PCDH9: variants seen among roughly 807,000 people sequenced by gnomAD.
PCDH9 encodes protocadherin 9.
PCDH9 carries 24 observed loss-of-function variants against 70.6 expected under a neutral mutation model. That is an observed-to-expected ratio of 0.34 (90% confidence interval 0.25 to 0.48). The LOEUF is 0.48. Among genes scored for constraint, PCDH9 ranks in the 20% least tolerant of loss-of-function variants. The probability of loss-of-function intolerance (pLI) is 0.99; values close to 1 mark genes in which losing one functional copy is unlikely to be tolerated. For synonymous variants in PCDH9, 562 were observed against 558.5 expected (o/e 1.01, Z -0.09); for missense variants, 1,281 against 1,503.6 (o/e 0.85, Z 2.45).
intron 3 of PCDH9, among the ~76,000 whole-genome samples, chr13:66,847,239 T>C (rs942737078): frequency 6.6e-6 from 1 of 152,198 alleles, no homozygotes; most frequent in African/African-American, 2.4e-5. Flanking sequence ...GATTCCATAA[T>C]AGGTTGTTTT....
intron 3 of PCDH9, among the ~76,000 whole-genome samples, chr13:66,776,355 G>T (rs1013114981): frequency 6.6e-6 from 1 of 150,426 alleles, no homozygotes; most frequent in African/African-American, 2.5e-5. Context: ...GTTTGCAGAC[G>T]ACATGATTGT....
intron 4 of PCDH9, among the ~76,000 whole-genome samples, chr13:66,411,527 A>G (rs541441084): frequency 6.6e-6 from 1 of 152,204 alleles, no homozygotes; most frequent in African/African-American, 2.4e-5. Flanking sequence ...GGACTCAGTG[A>G]TCCTCTTGCC....
At chr13:66,531,707 G>A (rs1212073939) in intron 4 of PCDH9, among the ~76,000 whole-genome samples, 2 of 151,984 alleles carry the variant, frequency 1.3e-5, no homozygotes, top group African/African-American at 4.8e-5. Context: ...GACAAACAAG[G>A]GAAAAACATT....
At chr13:66,581,039 C>G (rs1209555398) in intron 4 of PCDH9, among the ~76,000 whole-genome samples, 1 of 152,126 alleles carries the variant, frequency 6.6e-6, no homozygotes, top group Non-Finnish European at 1.5e-5. Flanking sequence ...ATTTATGAAG[C>G]TGTAATTCTT....
At chr13:66,808,677 T>C (rs1189067228) in intron 3 of PCDH9, among the ~76,000 whole-genome samples, 10 of 152,218 alleles carry the variant, frequency 6.6e-5, no homozygotes, top group African/African-American at 2.2e-4. Context: ...AGTAGGCTAA[T>C]TGATCACAGG....
At chr13:66,538,626 C>CT (rs34114606) in intron 4 of PCDH9, among the ~76,000 whole-genome samples, 146 of 147,908 alleles carry the variant, frequency 9.9e-4, no homozygotes, top group African/African-American at 2.6e-3. Context: ...GGGGGTCAAT[C>CT]TTTTTTTTTT....
chr13:66,633,784 G>GA (rs145461344), intron 3 of PCDH9, among the ~76,000 whole-genome samples: 2,028 of 152,082 alleles, frequency 0.013, 56 homozygotes, highest in African/African-American at 0.046. Flanking sequence ...AAGTAAAAAA[G>GA]AAAAAAATAC....
At chr13:66,698,895 C>CTTTTTTTTT (rs67333897) in intron 3 of PCDH9, among the ~76,000 whole-genome samples, 15 of 61,110 alleles carry the variant, frequency 2.5e-4, no homozygotes, top group Admixed American at 4.9e-4. Context: ...CTCAATTCCT[C>CTTTTTTTTT]TTTTTTTTTT....
At chr13:66,905,046 C>T (rs1418904458) in intron 2 of PCDH9, among the ~76,000 whole-genome samples, 2 of 151,940 alleles carry the variant, frequency 1.3e-5, no homozygotes, top group East Asian at 3.9e-4. Flanking sequence ...GCCATTTTAA[C>T]CTCTGTTTCT....
intron 4 of PCDH9, among the ~76,000 whole-genome samples, chr13:66,306,786 T>C (rs185212965): frequency 2.7e-3 from 417 of 152,120 alleles, no homozygotes; most frequent in Middle Eastern, 0.024. Context: ...GATTACTCAC[T>C]TTTTTGGATA....
chr13:66,920,247 A>T (rs2082618290), intron 2 of PCDH9, among the ~76,000 whole-genome samples: 1 of 151,196 alleles, frequency 6.6e-6, no homozygotes, highest in African/African-American at 2.4e-5. Context: ...TTTAAAGAAG[A>T]TATGCAGAAT....
Position 67,177,038 on chromosome 13 carries a change from T to A in PCDH9, c.3036+48367A>T, listed in dbSNP as rs559644443. 2.0e-5 allele frequency among the ~76,000 whole-genome samples: 3 copies of A among 152,192 alleles called. No individual in the cohort carries two copies. The South Asian group carries it at 6.2e-4, about 32-fold the overall frequency. ...ATAAGCATTGCTACCTTGTCTGTTATGAAAATTAAAGTATCTATTGTGAAT... is the reference window on the plus strand; with the variant it reads ...ATAAGCATTGCTACCTTGTCTGTTAAGAAAATTAAAGTATCTATTGTGAAT... On this transcript the variant is annotated intron_variant, in intron 2 of 4. Transcript: ENST00000377865.
chr13:67,074,120 ATCTG>A (rs1293344413), intron 2 of PCDH9, among the ~76,000 whole-genome samples: 90 of 149,864 alleles, frequency 6.0e-4, no homozygotes, highest in Middle Eastern at 3.4e-3. Flanking sequence ...CTATCTATCT[ATCTG>A]TCTATCTATC....
At chr13:66,796,554 A>T (rs750046034) in intron 3 of PCDH9, among the ~76,000 whole-genome samples, 39 of 152,182 alleles carry the variant, frequency 2.6e-4, no homozygotes, top group Non-Finnish European at 4.4e-4. Context: ...TGATATTGAG[A>T]AAAAGCAAAC....
At chr13:66,811,534 T>C (rs2080504385) in intron 3 of PCDH9, among the ~76,000 whole-genome samples, 1 of 152,130 alleles carries the variant, frequency 6.6e-6, no homozygotes, top group African/African-American at 2.4e-5. Context: ...AAAGTTTTGC[T>C]CACTGGCAGT....
chr13:66,703,199 T>A (rs2078669057), intron 3 of PCDH9, among the ~76,000 whole-genome samples: 1 of 147,630 alleles, frequency 6.8e-6, no homozygotes, highest in African/African-American at 2.5e-5. Context: ...CAATGTATTG[T>A]ATTATCACTG....
intron 3 of PCDH9, among the ~76,000 whole-genome samples, chr13:66,701,246 G>A (rs2139107884): frequency 6.6e-6 from 1 of 151,520 alleles, no homozygotes; most frequent in South Asian, 2.1e-4. Flanking sequence ...CATGGCTACT[G>A]TGAACAACAA....
At chr13:66,460,943 T>A (rs2138452282) in intron 4 of PCDH9, among the ~76,000 whole-genome samples, 1 of 152,014 alleles carries the variant, frequency 6.6e-6, no homozygotes, top group African/African-American at 2.4e-5. Context: ...ATTATTAGCA[T>A]TTATGAAAAA....
At chr13:66,948,004 G>A (rs2083116992) in intron 2 of PCDH9, among the ~76,000 whole-genome samples, 2 of 152,066 alleles carry the variant, frequency 1.3e-5, no homozygotes, top group Admixed American at 1.3e-4. Context: ...TTAAGCATGG[G>A]GGGATGATGT....
Sources: gnomAD v4.1 joint callset for allele counts (sites outside exome capture counted in the v4.1 genomes callset) on GRCh38, gnomAD v4.1.1 for gene constraint, MANE v1.5 for transcripts, NCBI Gene and HGNC (gene_info 2026-07-23, HGNC 2026-07-21) for gene names.